The following IQGAP2 variants were observed in gnomAD, a reference collection of about 807,000 sequenced individuals.
IQGAP2 encodes ras GTPase-activating-like protein IQGAP2.
Under a neutral mutation model 201.3 loss-of-function variants are expected in IQGAP2, and 173 were observed. The ratio of observed to expected loss-of-function variants is 0.86; its 90% CI spans 0.76 to 0.98. The LOEUF is 0.98. IQGAP2 is among the 50% of genes least tolerant of loss of function. The pLI is 0.00. For synonymous variants in IQGAP2, 675 were observed against 673.9 expected (o/e 1.00, Z -0.03); for missense variants, 1,687 against 1,864.8 (o/e 0.90, Z 1.76).
chr5:76,543,157 G>A (rs1742880452), intron 2 of IQGAP2, among the ~76,000 whole-genome samples: 2 of 152,064 alleles, frequency 1.3e-5, no homozygotes, highest in Admixed American at 6.6e-5. Context: ...AACCCAAGCC[G>A]GCCCAGAACA....
chr5:76,534,818 T>C (rs1375017578), intron 2 of IQGAP2, among the ~76,000 whole-genome samples: 2 of 152,246 alleles, frequency 1.3e-5, no homozygotes, highest in Non-Finnish European at 2.9e-5. Context: ...CAAATCATAG[T>C]GTGAGTGAAA....
intron 3 of IQGAP2, among the ~76,000 whole-genome samples, chr5:76,569,230 ATCC>A (rs1159036787): frequency 6.6e-6 from 1 of 152,194 alleles, no homozygotes; most frequent in Admixed American, 6.5e-5. Flanking sequence ...GTAGTCTTGA[ATCC>A]TAGGTCAGTC....
At chr5:76,447,124 C>T (rs1053579192) in intron 1 of IQGAP2, among the ~76,000 whole-genome samples, 1 of 152,264 alleles carries the variant, frequency 6.6e-6, no homozygotes, top group Non-Finnish European at 1.5e-5. Flanking sequence ...TCCCCAACAG[C>T]ACTTGGGTTT....
chr5:76,618,258 A>G (rs1167103875), intron 13 of IQGAP2: 3 of 1,614,222 alleles, frequency 1.9e-6, no homozygotes, highest in Non-Finnish European at 2.5e-6. Flanking sequence ...ATGATAAGCT[A>G]TCTTAAAGGG....
chr5:76,647,823 C>CCACACACACACA (rs374577768), intron 17 of IQGAP2, among the ~76,000 whole-genome samples: 144 of 62,634 alleles, frequency 2.3e-3, no homozygotes, highest in African/African-American at 6.3e-3. Context: ...TAGCCAAACA[C>CCACACACACACA]CACACACACA....
chr5:76,514,695 G>A (rs1256137809), intron 2 of IQGAP2, among the ~76,000 whole-genome samples: 1 of 152,198 alleles, frequency 6.6e-6, no homozygotes, highest in African/African-American at 2.4e-5. Context: ...TATGTTGTTT[G>A]TAGCTTGTTG....
intron 9 of IQGAP2, among the ~76,000 whole-genome samples, chr5:76,594,834 C>T (rs555333480): frequency 5.3e-5 from 8 of 152,016 alleles, no homozygotes; most frequent in Admixed American, 1.3e-4. Flanking sequence ...GGCGTGGTGG[C>T]GGGCATCTGT....
At chr5:76,707,072 CAT>C (rs755948157) in intron 35 of IQGAP2, 126 bp from the exon 36 acceptor site, 48 of 621,862 alleles carry the variant, frequency 7.7e-5, no homozygotes, top group Non-Finnish European at 1.2e-4. Flanking sequence ...ACCTGGGCAA[CAT>C]AGTTAGACCC....
At chr5:76,520,907 C>T (rs1044645657) in intron 2 of IQGAP2, among the ~76,000 whole-genome samples, 2 of 151,572 alleles carry the variant, frequency 1.3e-5, no homozygotes, top group Admixed American at 6.6e-5. Flanking sequence ...CGAGGTTTCA[C>T]CATGCTGGCC....
chr5:76,498,073 G>A (rs1757085379), intron 2 of IQGAP2, among the ~76,000 whole-genome samples: 1 of 152,042 alleles, frequency 6.6e-6, no homozygotes, highest in Admixed American at 6.6e-5. Context: ...CCCGGATAAG[G>A]AAAAAACAAA....
At chr5:76,664,981 G>T in intron 21 of IQGAP2, 45 bp from the exon 22 acceptor site, 1 of 1,052,522 alleles carries the variant, frequency 9.5e-7, no homozygotes, top group South Asian at 1.4e-5. Flanking sequence ...AGGAGATAAA[G>T]AGTATGAGAA....
intron 34 of IQGAP2, 69 bp downstream of exon 34, chr5:76,701,282 C>T (rs1295047411): frequency 6.7e-7 from 1 of 1,496,366 alleles, no homozygotes; most frequent in Admixed American, 1.7e-5. Flanking sequence ...GGAGAGAGCT[C>T]CATTTGGTCT....
rs573470524 is a variant in IQGAP2 at position 76,680,538 on chromosome 5, G to A, written c.3661-2577G>A. Among the ~76,000 whole-genome samples, 215 of 152,188 alleles carry A rather than the reference G, an allele frequency of 1.4e-3. 1 individual carries two copies. Among genetic ancestry groups the A allele is most frequent in the African/African-American group, 4.8e-3 (200 of 41,548 alleles). On this transcript the variant is annotated intron_variant, in intron 28 of 35. Transcript: ENST00000274364. ...CTATAAAGAGTAATATCAAGAAATT[G>A]AGGCTAGACGTGGTGGCTGACGCTT... is the stretch of plus-strand genomic sequence containing the variant.
At chr5:76,546,583 A>G (rs2150226935) in intron 2 of IQGAP2, among the ~76,000 whole-genome samples, 1 of 152,356 alleles carries the variant, frequency 6.6e-6, no homozygotes, top group South Asian at 2.1e-4. Flanking sequence ...AGAGAGTACC[A>G]TCTGCTACCT....
chr5:76,592,041 C>T (rs1179409165), intron 8 of IQGAP2, among the ~76,000 whole-genome samples: 4 of 152,174 alleles, frequency 2.6e-5, no homozygotes, highest in Non-Finnish European at 5.9e-5. Context: ...AGTCCTGCCC[C>T]TTCTGACCTC....
chr5:76,620,679 G>C (rs1171547992), intron 13 of IQGAP2, among the ~76,000 whole-genome samples: 2 of 152,114 alleles, frequency 1.3e-5, no homozygotes, highest in East Asian at 3.9e-4. Context: ...GGGAGTGGTT[G>C]AGATGGCCTA....
chr5:76,404,691 A>G (rs1260666773), intron 1 of IQGAP2, among the ~76,000 whole-genome samples: 4 of 152,188 alleles, frequency 2.6e-5, no homozygotes, highest in African/African-American at 9.6e-5. Context: ...GGCGTGTCAA[A>G]GATGGGAGGT....
At chr5:76,693,145 A>G (rs930540331) in intron 30 of IQGAP2, among the ~76,000 whole-genome samples, 2 of 152,258 alleles carry the variant, frequency 1.3e-5, no homozygotes, top group Non-Finnish European at 2.9e-5. Context: ...AACATCAAGC[A>G]CAGAAAGCCC....
At chr5:76,626,252 TC>T (rs1400193382) in intron 13 of IQGAP2, among the ~76,000 whole-genome samples, 1 of 134,194 alleles carries the variant, frequency 7.5e-6, no homozygotes, top group Non-Finnish European at 1.6e-5. Flanking sequence ...TAATTCTTTT[TC>T]TTTTTTTTCT....
Sources: gnomAD v4.1 joint callset for allele counts (sites outside exome capture counted in the v4.1 genomes callset) on GRCh38, gnomAD v4.1.1 for gene constraint, MANE v1.5 for transcripts, NCBI Gene and HGNC (gene_info 2026-07-23, HGNC 2026-07-21) for gene names.